Variants in VEPH1 observed in about 807,000 individuals in gnomAD.
VEPH1 encodes the protein ventricular zone-expressed PH domain-containing protein homolog 1.
Under a neutral mutation model 85.2 loss-of-function variants are expected in VEPH1, and 80 were observed. The observed-to-expected ratio is 0.94, with a 90% confidence interval of 0.78 to 1.13. The LOEUF (loss-of-function observed/expected upper bound fraction) is 1.13, where lower values mean the gene tolerates loss of function less well. VEPH1 is among the 50% of genes most tolerant of loss of function. The pLI is 0.00. For missense variants in VEPH1, 955 were observed against 980.5 expected, an observed-to-expected ratio of 0.97 and a Z score of 0.35; for synonymous variants, 297 against 348.0, an observed-to-expected ratio of 0.85 and a Z score of 1.63.
chr3:157,481,475 A>ACAAAAAAC (rs1738077450), intron 2 of VEPH1, among the ~76,000 whole-genome samples: 1 of 95,984 alleles, frequency 1.0e-5, no homozygotes, highest in African/African-American at 4.8e-5. Context: ...CAAAAAAAAA[A>ACAAAAAAC]AAAAAAAAAA....
At chr3:157,351,703 G>T (rs757834813) in intron 9 of VEPH1, among the ~76,000 whole-genome samples, 4 of 152,220 alleles carry the variant, frequency 2.6e-5, no homozygotes, top group African/African-American at 9.7e-5. Context: ...GTAAGCCAGA[G>T]AATCTGAATT....
In VEPH1 at chr3:157,378,576, C is replaced by T. The variant is rs535299403; in HGVS notation, c.1127+2580G>A. On this transcript the variant is annotated intron_variant, in intron 7 of 13. Transcript: ENST00000362010. ...TCAATAATACCAGGGTTAAGAAACC[C>T]TTGTAATAGGCATCTGTATATCAAA... Among the ~76,000 whole-genome samples, 77 of 151,688 alleles carry T rather than the reference C, an allele frequency of 5.1e-4. 1 individual carries two copies. The highest frequency in any genetic ancestry group is 7.5e-4 in the Non-Finnish European group (51 of 67,950).
At chr3:157,286,335 C>T (rs1317750750) in intron 12 of VEPH1, 2 of 549,916 alleles carry the variant, frequency 3.6e-6, no homozygotes, top group Non-Finnish European at 6.6e-6. Context: ...TTGATAACCA[C>T]ATATAGGTAA....
intron 13 of VEPH1, among the ~76,000 whole-genome samples, chr3:157,263,332 C>A (rs1713168670): frequency 6.6e-6 from 1 of 152,090 alleles, no homozygotes; most frequent in South Asian, 2.1e-4. Flanking sequence ...ACATGTCAAA[C>A]AAGTTACCTA....
intron 2 of VEPH1, among the ~76,000 whole-genome samples, chr3:157,484,279 G>C (rs1738417587): frequency 6.6e-6 from 1 of 152,126 alleles, no homozygotes; most frequent in Admixed American, 6.5e-5. Context: ...ATCATTAACA[G>C]ACCTTCACTG....
intron 12 of VEPH1, among the ~76,000 whole-genome samples, chr3:157,282,811 T>C (rs556061820): frequency 1.2e-4 from 19 of 152,344 alleles, no homozygotes; most frequent in African/African-American, 4.6e-4. Flanking sequence ...TTTCCAGAAA[T>C]AAGTTCTGCT....
intron 10 of VEPH1, among the ~76,000 whole-genome samples, chr3:157,314,021 A>AC (rs1720436141): frequency 6.6e-6 from 1 of 151,458 alleles, no homozygotes; most frequent in Non-Finnish European, 1.5e-5. Context: ...ATATAACAAG[A>AC]CCTCCACCTC....
At chr3:157,457,738 G>A (rs1735500150) in intron 4 of VEPH1, among the ~76,000 whole-genome samples, 1 of 152,168 alleles carries the variant, frequency 6.6e-6, no homozygotes, top group Non-Finnish European at 1.5e-5. Flanking sequence ...TGATCGATAA[G>A]CTTTTTGATG....
At chr3:157,437,520 G>C (rs771838445) in intron 4 of VEPH1, 3 of 1,605,264 alleles carry the variant, frequency 1.9e-6, no homozygotes, top group Non-Finnish European at 2.5e-6. Context: ...TAGCCACGCC[G>C]TGCGCCTGCG....
intron 1 of VEPH1, among the ~76,000 whole-genome samples, chr3:157,501,641 C>T (rs948412787): frequency 5.3e-5 from 8 of 152,180 alleles, no homozygotes; most frequent in Non-Finnish European, 1.2e-4. Context: ...AATCGCCACA[C>T]TATTGGGATA....
chr3:157,436,660 A>G (rs1733599193), intron 4 of VEPH1: 3 of 300,084 alleles, frequency 1.0e-5, no homozygotes, highest in South Asian at 9.5e-5. Context: ...CCTCCAATTA[A>G]TCTGACTGCA....
intron 9 of VEPH1, among the ~76,000 whole-genome samples, chr3:157,353,356 C>G (rs907607472): frequency 2.0e-4 from 31 of 152,080 alleles, no homozygotes; most frequent in African/African-American, 6.8e-4. Flanking sequence ...CAACCTCCAC[C>G]TCCTGGGCTC....
intron 7 of VEPH1, among the ~76,000 whole-genome samples, chr3:157,374,149 C>T (rs1727822039): frequency 6.6e-6 from 1 of 152,172 alleles, no homozygotes; most frequent in African/African-American, 2.4e-5. Flanking sequence ...AAGACGGGCC[C>T]AAAACCGAAG....
chr3:157,360,301 A>G (rs1168732816), intron 9 of VEPH1, among the ~76,000 whole-genome samples: 1 of 152,186 alleles, frequency 6.6e-6, no homozygotes, highest in Non-Finnish European at 1.5e-5. Context: ...TCCTTCACAC[A>G]TATCTCTGTG....
At chr3:157,268,525 T>C (rs1714066264) in intron 12 of VEPH1, among the ~76,000 whole-genome samples, 1 of 152,222 alleles carries the variant, frequency 6.6e-6, no homozygotes, top group South Asian at 2.1e-4. Context: ...CTAATTGTAA[T>C]ATCTGAAGGT....
chr3:157,489,841 A>T (rs1381340061), intron 2 of VEPH1, among the ~76,000 whole-genome samples: 1 of 152,102 alleles, frequency 6.6e-6, no homozygotes, highest in Non-Finnish European at 1.5e-5. Context: ...TATTAGGATT[A>T]GTAAGAGAGT....
At chr3:157,466,019 G>T (rs1480733404) in intron 3 of VEPH1, among the ~76,000 whole-genome samples, 4 of 152,180 alleles carry the variant, frequency 2.6e-5, no homozygotes, top group Non-Finnish European at 4.4e-5. Flanking sequence ...GGCATTGGCT[G>T]CCAGGCTTCA....
rs78952066 is a variant in VEPH1, at chr3:157,498,442, C to T, written c.-157-2936G>A. On this transcript the variant is annotated intron_variant, in intron 1 of 13. Transcript: ENST00000362010. ...GTGTCAGGTACTTATCTCAGTGCTT[C>T]TCACATACTTAGCCACTTAATTCTT... Among the ~76,000 whole-genome samples the T allele has an allele frequency of 9.6e-3, 1,460 of 152,276 alleles. 10 individuals carry two copies. Among genetic ancestry groups the T allele is most frequent in the Non-Finnish European group, 0.014 (948 of 68,016 alleles).
chr3:157,365,513 A>C (rs1237436266), intron 7 of VEPH1, among the ~76,000 whole-genome samples: 1 of 152,018 alleles, frequency 6.6e-6, no homozygotes, highest in Non-Finnish European at 1.5e-5. Context: ...CAATCCTAAC[A>C]CTAACGACCT....
Sources: gnomAD v4.1 joint callset for allele counts (sites outside exome capture counted in the v4.1 genomes callset) on GRCh38, gnomAD v4.1.1 for gene constraint, MANE v1.5 for transcripts, NCBI Gene and HGNC (gene_info 2026-07-23, HGNC 2026-07-21) for gene names.